ERGIC2: variants seen among roughly 807,000 people sequenced by gnomAD.
The protein encoded by ERGIC2 is endoplasmic reticulum-Golgi intermediate compartment protein 2.
In ERGIC2, 31 loss-of-function variants were observed where a neutral mutation model predicts 52.5. That is an observed-to-expected ratio of 0.59 (90% CI 0.44 to 0.80). The LOEUF is 0.80. Among genes scored for constraint, ERGIC2 ranks in the 30% least tolerant of loss-of-function variants. The probability of loss-of-function intolerance (pLI) is 0.00; values close to 1 mark genes in which losing one functional copy is unlikely to be tolerated. For synonymous variants in ERGIC2, 129 were observed against 140.6 expected, an observed-to-expected ratio of 0.92 and a Z score of 0.58; for missense variants, 395 against 455.2, an observed-to-expected ratio of 0.87 and a Z score of 1.20.
chr12:29,371,714 G>C, intron 1 of ERGIC2, 44 bp from the exon 2 acceptor site: 1 of 871,744 alleles, frequency 1.1e-6, no homozygotes, highest in Non-Finnish European at 1.8e-6. Context: ...CCTTTAAAGA[G>C]ATAAAAAGGT....
rs561679533 is a variant in ERGIC2 at position 29,358,001 on chromosome 12, A to G, written c.375-277T>C. 2.6e-5 allele frequency among the ~76,000 whole-genome samples: 4 copies of G among 152,310 alleles called. No individual in the cohort carries two copies. In the South Asian group the frequency reaches 8.3e-4, roughly 32 times the overall value. ...GACCACCAAAGTAGGGCTTCTACTC[A>G]CTTAAGTATCTCAATTCATCTTTCA... On this transcript the variant is annotated intron_variant, in intron 6 of 13. Transcript: ENST00000360150.
chr12:29,352,973 A>C (rs1372194935), intron 8 of ERGIC2, among the ~76,000 whole-genome samples: 1 of 152,188 alleles, frequency 6.6e-6, no homozygotes, highest in African/African-American at 2.4e-5. Flanking sequence ...TAACTAAAAA[A>C]CTGAAAATAG....
intron 8 of ERGIC2, among the ~76,000 whole-genome samples, chr12:29,352,559 G>A (rs1050124694): frequency 6.6e-6 from 1 of 152,130 alleles, no homozygotes; most frequent in Non-Finnish European, 1.5e-5. Context: ...AGCTACTCAG[G>A]AGGCTGAGGC....
At chr12:29,373,212 G>A (rs911135669) in intron 1 of ERGIC2, among the ~76,000 whole-genome samples, 1 of 151,922 alleles carries the variant, frequency 6.6e-6, no homozygotes, top group African/African-American at 2.4e-5. Context: ...TTAAAAATTG[G>A]CTGCTTGCTA....
At chr12:29,353,484 CAT>C (rs1273052123) in intron 8 of ERGIC2, among the ~76,000 whole-genome samples, 3 of 152,122 alleles carry the variant, frequency 2.0e-5, no homozygotes, top group African/African-American at 7.2e-5. Context: ...AGAATATGTA[CAT>C]TTTATTTGCC....
chr12:29,339,396 C>T lies in ERGIC2; in HGVS notation c.*1760G>A, dbSNP rs1210339388. The T allele has an allele frequency of 6.6e-6, 1 of 152,082 alleles. No homozygotes were observed. Among genetic ancestry groups the T allele is most frequent in the Non-Finnish European group, 1.5e-5 (1 of 67,986 alleles). 9.4% of individuals were successfully genotyped at this position (152,082 alleles called of 1,614,324 possible). On this transcript the variant is annotated 3_prime_UTR_variant, in exon 14 of 14. Coordinates refer to ENST00000360150, the MANE Select transcript of ERGIC2 (RefSeq NM_016570.3). ...CCTTGAAACTCGATTGAATTTTCTT[C>T]CAAGCATACTTAAAGGACCAACAAT...
At chr12:29,367,094 A>G in intron 4 of ERGIC2, 147 bp from the exon 5 acceptor site, 1 of 469,698 alleles carries the variant, frequency 2.1e-6, no homozygotes, top group African/African-American at 2.0e-5. Flanking sequence ...AATTTCCGAT[A>G]TATTTGTCCA....
rs1940205937 is a variant in ERGIC2 at position 29,356,430 on chromosome 12, T to C, written c.524A>G (p.His175Arg). 1.2e-6 allele frequency: 2 copies of C among 1,605,410 alleles called. No individual in the cohort carries two copies. The highest frequency in any genetic ancestry group is 1.7e-6 in the Non-Finnish European group (2 of 1,172,188). The change falls in exon 8 of 14, where the codon CAT becomes CGT. Residue 175 changes from histidine to arginine, a missense_variant. His to Arg is a conservative substitution (Grantham distance 29). Transcript: ENST00000360150. ...CCCTGCTACTTTATTGACATATAGA[T>C]GGCCATGAATTCTGCATGCATTTGG... ...QSPNACRIHG[H>R]LYVNKVAGNF...
At chr12:29,347,270 C>A (rs1408083710) in intron 10 of ERGIC2, among the ~76,000 whole-genome samples, 2 of 152,156 alleles carry the variant, frequency 1.3e-5, no homozygotes, top group Non-Finnish European at 2.9e-5. Context: ...CACCTTCTAC[C>A]ATTAGGAAAG....
intron 8 of ERGIC2, among the ~76,000 whole-genome samples, chr12:29,351,177 T>C (rs1188565314): frequency 6.6e-6 from 1 of 152,092 alleles, no homozygotes; most frequent in Non-Finnish European, 1.5e-5. Context: ...TGTCAATATT[T>C]AGGTTCAGGA....
At chr12:29,348,705 C>A (rs553789715) in intron 10 of ERGIC2, among the ~76,000 whole-genome samples, 1 of 151,998 alleles carries the variant, frequency 6.6e-6, no homozygotes, top group South Asian at 2.1e-4. Flanking sequence ...CTATATTATA[C>A]AAAGAAGAAA....
chr12:29,351,411 A>G (rs1746378430), intron 8 of ERGIC2, among the ~76,000 whole-genome samples: 1 of 152,166 alleles, frequency 6.6e-6, no homozygotes, highest in Admixed American at 6.5e-5. Flanking sequence ...CAACTTCTAT[A>G]AAAATATTCT....
intron 1 of ERGIC2, among the ~76,000 whole-genome samples, chr12:29,378,276 C>A (rs1940541072): frequency 6.6e-6 from 1 of 152,096 alleles, no homozygotes; most frequent in Non-Finnish European, 1.5e-5. Context: ...TGCCCAGAAG[C>A]CAGGAAGAGT....
intron 11 of ERGIC2, 66 bp from the exon 12 acceptor site, chr12:29,343,348 G>A: frequency 1.5e-6 from 2 of 1,316,606 alleles, no homozygotes; most frequent in East Asian, 2.4e-5. Flanking sequence ...ATGTCATCTG[G>A]TTACTTACAT....
At chr12:29,360,007 C>A (rs11610197) in intron 6 of ERGIC2, among the ~76,000 whole-genome samples, 3 of 151,804 alleles carry the variant, frequency 2.0e-5, no homozygotes, top group Non-Finnish European at 4.4e-5. Context: ...AACCTCACAA[C>A]TGATTCATAA....
chr12:29,349,042 T>C, intron 10 of ERGIC2, 37 bp downstream of exon 10: 2 of 1,131,924 alleles, frequency 1.8e-6, no homozygotes, highest in Non-Finnish European at 2.6e-6. Flanking sequence ...CAAAATTTTC[T>C]ACATGTAAAA....
chr12:29,357,539 AG>A, intron 7 of ERGIC2, 83 bp downstream of exon 7: 1 of 760,988 alleles, frequency 1.3e-6, no homozygotes, highest in African/African-American at 1.8e-5. Flanking sequence ...AATAAGATTC[AG>A]AAAACTAAAC....
At chr12:29,351,528 T>C (rs1482680326) in intron 8 of ERGIC2, among the ~76,000 whole-genome samples, 4 of 152,192 alleles carry the variant, frequency 2.6e-5, no homozygotes, top group African/African-American at 9.6e-5. Flanking sequence ...TCTAGTAACA[T>C]CTGTCCACTT....
rs921028186 is a variant in ERGIC2 at position 29,338,440 on chromosome 12, T to C, written c.*2716A>G. 1 of 151,758 alleles carries C rather than the reference T, an allele frequency of 6.6e-6. No individual in the cohort carries two copies. Among genetic ancestry groups the C allele is most frequent in the African/African-American group, 2.4e-5 (1 of 41,268 alleles). 9.4% of individuals were successfully genotyped at this position (151,758 alleles called of 1,614,324 possible). A position where few individuals can be genotyped will look rare whatever the true frequency, so the allele number is the denominator to read the frequency against. Reference sequence around the variant, plus strand: ...TGGGAGGATTACTTGAGTCCGGGAGTTGGAGTCCAGCTTGAACAACACAGC... The same window carrying C: ...TGGGAGGATTACTTGAGTCCGGGAGCTGGAGTCCAGCTTGAACAACACAGC... On this transcript the variant is annotated 3_prime_UTR_variant, in exon 14 of 14. Coordinates refer to ENST00000360150, the MANE Select transcript of ERGIC2 (RefSeq NM_016570.3).
Sources: gnomAD v4.1 joint callset for allele counts (sites outside exome capture counted in the v4.1 genomes callset) on GRCh38, gnomAD v4.1.1 for gene constraint, MANE v1.5 for transcripts, NCBI Gene and HGNC (gene_info 2026-07-23, HGNC 2026-07-21) for gene names.